Variants in PRKG1 observed in about 807,000 individuals in gnomAD.
PRKG1 encodes the protein cGMP-dependent protein kinase 1.
Under a neutral mutation model 88.1 loss-of-function variants are expected in PRKG1, and 35 were observed. The observed-to-expected ratio is 0.40, with a 90% CI of 0.30 to 0.53. PRKG1 has a LOEUF of 0.53. PRKG1 is among the 20% of genes least tolerant of loss of function. The pLI, the probability that PRKG1 is intolerant of heterozygous loss-of-function variation, is 0.59. For missense variants in PRKG1, 540 were observed against 839.8 expected (o/e 0.64, Z 4.41); for synonymous variants, 303 against 292.5 (o/e 1.04, Z -0.37).
At chr10:51,889,002 T>C (rs1295212325) in intron 4 of PRKG1, among the ~76,000 whole-genome samples, 1 of 152,030 alleles carries the variant, frequency 6.6e-6, no homozygotes, top group Admixed American at 6.6e-5. Flanking sequence ...CTAATGCTGC[T>C]TATTACTTCC....
intron 3 of PRKG1, 134 bp downstream of exon 3, chr10:51,467,970 A>G: frequency 1.4e-6 from 1 of 739,184 alleles, no homozygotes; most frequent in Non-Finnish European, 2.3e-6. Flanking sequence ...CCTGCAATAT[A>G]GCTGATGTAT....
At chr10:51,280,548 T>A (rs1406164427) in intron 2 of PRKG1, among the ~76,000 whole-genome samples, 1 of 152,228 alleles carries the variant, frequency 6.6e-6, no homozygotes, top group Admixed American at 6.5e-5. Context: ...GTCCCATATT[T>A]CTTGGAGGCT....
intron 5 of PRKG1, among the ~76,000 whole-genome samples, chr10:51,979,424 T>TTTTTG (rs1843943542): frequency 1.4e-5 from 2 of 138,582 alleles, no homozygotes; most frequent in Admixed American, 7.4e-5. Flanking sequence ...TTTTTTTTTT[T>TTTTTG]TTTTTTTTTT....
intron 5 of PRKG1, chr10:51,908,734 A>ATATATATATATATATATAT (rs563212069): frequency 1.9e-5 from 1 of 52,222 alleles, no homozygotes; most frequent in Non-Finnish European, 4.8e-5. Context: ...TCTATATGTA[A>ATATATATATATATATATAT]TTTTTTTTTT....
intron 2 of PRKG1, among the ~76,000 whole-genome samples, chr10:51,325,140 T>A (rs1841556558): frequency 6.6e-6 from 1 of 152,204 alleles, no homozygotes; most frequent in African/African-American, 2.4e-5. Context: ...ATTTTGAGCA[T>A]TTTTTGAAAT....
At chr10:51,597,058 A>G (rs1421630594) in intron 3 of PRKG1, among the ~76,000 whole-genome samples, 2 of 152,184 alleles carry the variant, frequency 1.3e-5, no homozygotes, top group African/African-American at 4.8e-5. Flanking sequence ...CTTTAAAGGG[A>G]CTTATCTAGG....
At chr10:51,932,110 T>A (rs1842706035) in intron 5 of PRKG1, among the ~76,000 whole-genome samples, 1 of 152,106 alleles carries the variant, frequency 6.6e-6, no homozygotes, top group African/African-American at 2.4e-5. Context: ...CACTTAGTCT[T>A]ATAAATATTC....
At chr10:51,534,635 C>T (rs1281861425) in intron 3 of PRKG1, among the ~76,000 whole-genome samples, 3 of 137,264 alleles carry the variant, frequency 2.2e-5, no homozygotes, top group South Asian at 4.6e-4. Context: ...CCACTGCACT[C>T]CAGCCTGGGC....
intron 2 of PRKG1, among the ~76,000 whole-genome samples, chr10:51,379,739 G>C (rs899747416): frequency 6.6e-6 from 1 of 152,208 alleles, no homozygotes; most frequent in African/African-American, 2.4e-5. Context: ...AGAGTTGAGA[G>C]AGTAAGGCTG....
chr10:52,032,301 T>C (rs75118334), intron 5 of PRKG1, among the ~76,000 whole-genome samples: 2,504 of 152,308 alleles, frequency 0.016, 83 homozygotes, highest in African/African-American at 0.057. Context: ...GAGCATAGGC[T>C]TTCTAAAGCA....
chr10:51,117,063 C>T (rs539691319), intron 1 of PRKG1, among the ~76,000 whole-genome samples: 1 of 152,140 alleles, frequency 6.6e-6, no homozygotes, highest in Non-Finnish European at 1.5e-5. Context: ...ATTTGTTCTG[C>T]TCTCTCTTAT....
chr10:51,619,551 T>C (rs1166016147), intron 3 of PRKG1, among the ~76,000 whole-genome samples: 1 of 152,184 alleles, frequency 6.6e-6, no homozygotes, highest in African/African-American at 2.4e-5. Context: ...TTGATAGCTG[T>C]GGAGGGACCT....
At position 51,711,806 on chromosome 10, in the gene PRKG1, G is replaced by A. The variant is rs147555395; in HGVS notation, c.593-92779G>A. On this transcript the variant is annotated intron_variant, in intron 3 of 17. Transcript: ENST00000373980. ...TTGGTGGAGAGTGTTTGAGCTGTGG[G>A]TGAACTTAGAAGAAAACACTTTAAT... Among the ~76,000 whole-genome samples, 128 of 152,302 alleles carry A rather than the reference G, an allele frequency of 8.4e-4. 1 individual carries two copies. The East Asian group carries it at 0.022, about 26-fold the overall frequency.
In PRKG1 at chr10:52,245,007, A is replaced by T. The variant is rs892445906; in HGVS notation, c.1077-6563A>T. 8.1e-5 allele frequency among the ~76,000 whole-genome samples: 12 copies of T among 148,176 alleles called. No homozygotes were observed. In the Admixed American group the frequency reaches 8.2e-4, roughly 10 times the overall value. On this transcript the variant is annotated intron_variant, in intron 9 of 17. Coordinates refer to ENST00000373980, the MANE Select transcript of PRKG1 (RefSeq NM_006258.4). ...ATATAAAAAAATAAAATATATAAAA[A>T]AATTTAAAAGAATACTTTTTATTTA...
chr10:51,628,763 T>C (rs1839441009), intron 3 of PRKG1, among the ~76,000 whole-genome samples: 1 of 151,148 alleles, frequency 6.6e-6, no homozygotes, highest in Admixed American at 6.6e-5. Flanking sequence ...ATCGAGACCA[T>C]CCTGGCTAAC....
chr10:51,655,284 A>C (rs1039194651), intron 3 of PRKG1, among the ~76,000 whole-genome samples: 2 of 152,184 alleles, frequency 1.3e-5, no homozygotes, highest in Non-Finnish European at 2.9e-5. Context: ...TATTAAAAAT[A>C]TACTGGTTAT....
chr10:52,178,889 G>A (rs903098493), intron 9 of PRKG1, among the ~76,000 whole-genome samples: 2 of 150,478 alleles, frequency 1.3e-5, no homozygotes, highest in African/African-American at 2.4e-5. Flanking sequence ...GTGTCTTTAC[G>A]GCTCAGGTGA....
intron 2 of PRKG1, among the ~76,000 whole-genome samples, chr10:51,271,741 C>T (rs1170660322): frequency 6.6e-6 from 1 of 152,194 alleles, no homozygotes; most frequent in East Asian, 1.9e-4. Flanking sequence ...CTGCAAAGGG[C>T]ATGAACTCAC....
intron 2 of PRKG1, among the ~76,000 whole-genome samples, chr10:51,267,503 A>C (rs1184202802): frequency 6.6e-6 from 1 of 152,146 alleles, no homozygotes; most frequent in Non-Finnish European, 1.5e-5. Flanking sequence ...TTGACGGTTT[A>C]TTTCTATCAG....
Sources: gnomAD v4.1 joint callset for allele counts (sites outside exome capture counted in the v4.1 genomes callset) on GRCh38, gnomAD v4.1.1 for gene constraint, MANE v1.5 for transcripts, NCBI Gene and HGNC (gene_info 2026-07-23, HGNC 2026-07-21) for gene names.